EIF4G3: variants seen among roughly 807,000 people sequenced by gnomAD.
The protein encoded by EIF4G3 is eIF-4-gamma 3.
In EIF4G3, 34 loss-of-function variants were observed where a neutral mutation model predicts 186.4. That is an observed-to-expected ratio of 0.18 (90% CI 0.14 to 0.24). EIF4G3 has a LOEUF of 0.24. Ranked by LOEUF, EIF4G3 falls within the 10% of genes least tolerant of loss-of-function variation. The pLI is 1.00. For missense variants in EIF4G3, 1,536 were observed against 1,948.5 expected, an observed-to-expected ratio of 0.79 and a Z score of 3.99; for synonymous variants, 673 against 679.5, an observed-to-expected ratio of 0.99 and a Z score of 0.15.
chr1:21,145,696 C>CTAGT (rs1380483416), intron 2 of EIF4G3, among the ~76,000 whole-genome samples: 2 of 152,086 alleles, frequency 1.3e-5, no homozygotes, highest in African/African-American at 4.8e-5. Flanking sequence ...ATTCAGTTAT[C>CTAGT]TAGTAGTCAA....
intron 13 of EIF4G3, among the ~76,000 whole-genome samples, chr1:20,944,251 G>T (rs778066730): frequency 6.6e-6 from 1 of 151,836 alleles, no homozygotes; most frequent in African/African-American, 2.4e-5. Flanking sequence ...GTGATGGCTC[G>T]CATCTGTAAT....
At chr1:20,863,872 C>A (rs2076987991) in intron 22 of EIF4G3, among the ~76,000 whole-genome samples, 2 of 152,058 alleles carry the variant, frequency 1.3e-5, no homozygotes, top group African/African-American at 4.8e-5. Flanking sequence ...GAATGTTAAG[C>A]TGAAAGGACT....
Position 21,167,631 on chromosome 1 carries a change from G to A in EIF4G3, c.-272+8544C>T, listed in dbSNP as rs1477018352. Among the ~76,000 whole-genome samples the A allele has an allele frequency of 2.6e-5, 4 of 152,156 alleles. No homozygotes were observed. In the East Asian group the frequency reaches 5.8e-4, roughly 22 times the overall value. The stretch of plus-strand genomic sequence containing the variant: ...AAATTAGCCAGGCGTGGTGCCGGGT[G>A]CCTGTAATCCCAGCTACTCAGGAGG... On this transcript the variant is annotated intron_variant, in intron 2 of 36. Coordinates refer to ENST00000602326, the MANE Select transcript of EIF4G3 (RefSeq NM_001391906.1).
intron 2 of EIF4G3, among the ~76,000 whole-genome samples, chr1:21,165,013 G>C (rs536718480): frequency 8.1e-4 from 124 of 152,246 alleles, no homozygotes; most frequent in Admixed American, 2.7e-3. Flanking sequence ...GATATATATA[G>C]ATAATTCTCC....
At chr1:21,163,971 T>C (rs1441916371) in intron 2 of EIF4G3, among the ~76,000 whole-genome samples, 1 of 151,940 alleles carries the variant, frequency 6.6e-6, no homozygotes, top group Non-Finnish European at 1.5e-5. Context: ...ACAGGGTTTC[T>C]CCATGTCGGC....
chr1:20,980,200 G>A, intron 10 of EIF4G3, 134 bp downstream of exon 10: 2 of 629,344 alleles, frequency 3.2e-6, no homozygotes, highest in Non-Finnish European at 5.3e-6. Flanking sequence ...TAGCTTTCAA[G>A]AAAGAACTGT....
At chr1:21,101,237 C>T (rs2096511437) in intron 2 of EIF4G3, among the ~76,000 whole-genome samples, 1 of 150,896 alleles carries the variant, frequency 6.6e-6, no homozygotes, top group African/African-American at 2.4e-5. Flanking sequence ...CGTGCTTGGT[C>T]AAGAATTTCA....
At chr1:20,831,819 T>C (rs1171067075) in intron 30 of EIF4G3, among the ~76,000 whole-genome samples, 1 of 143,780 alleles carries the variant, frequency 7.0e-6, no homozygotes, top group Non-Finnish European at 1.5e-5. Context: ...CCATGTGATC[T>C]CATTGTTCAA....
intron 35 of EIF4G3, among the ~76,000 whole-genome samples, chr1:20,812,919 C>T (rs555867434): frequency 2.6e-5 from 4 of 152,278 alleles, no homozygotes; most frequent in African/African-American, 9.6e-5. Context: ...TAGTGAAAAA[C>T]AACCCAAGGA....
chr1:20,870,342 A>T (rs906896418), intron 20 of EIF4G3, among the ~76,000 whole-genome samples: 4 of 152,214 alleles, frequency 2.6e-5, no homozygotes, highest in African/African-American at 9.6e-5. Context: ...CAGAATGCTT[A>T]AAAATCTGCC....
intron 4 of EIF4G3, among the ~76,000 whole-genome samples, chr1:21,035,363 G>A (rs1380124273): frequency 6.6e-6 from 1 of 152,162 alleles, no homozygotes; most frequent in East Asian, 1.9e-4. Context: ...GGCAGGGCAG[G>A]AGCTCCCCAG....
At chr1:21,084,478 A>G (rs886375841) in intron 3 of EIF4G3, among the ~76,000 whole-genome samples, 4 of 152,074 alleles carry the variant, frequency 2.6e-5, no homozygotes, top group South Asian at 2.1e-4. Context: ...CCATGATCCA[A>G]TCACCTCCCA....
intron 7 of EIF4G3, among the ~76,000 whole-genome samples, chr1:20,995,807 T>C (rs893424038): frequency 6.6e-6 from 1 of 152,152 alleles, no homozygotes; most frequent in Non-Finnish European, 1.5e-5. Flanking sequence ...GGCTAGCTTA[T>C]CTGAAATGAC....
At chr1:20,825,496 T>C (rs1271200513) in intron 32 of EIF4G3, among the ~76,000 whole-genome samples, 1 of 152,196 alleles carries the variant, frequency 6.6e-6, no homozygotes, top group African/African-American at 2.4e-5. Flanking sequence ...CTCTTAAGAC[T>C]TGTGACTTTC....
In EIF4G3 at chr1:20,918,711, T is replaced by TC. The variant is rs1440401746; in HGVS notation, c.1664-13741_1664-13740insG. Among the ~76,000 whole-genome samples, 7 of 148,778 alleles carry TC rather than the reference T, an allele frequency of 4.7e-5. No homozygotes were observed. The East Asian group carries it at 9.8e-4, about 21-fold the overall frequency. On this transcript the variant is annotated intron_variant, in intron 14 of 36. Transcript: ENST00000602326. ...ATATCCTCCTAGTATCTTTTTTTTT[T>TC]TTTTTTTTTTTTTTTAAAGAGGCAG...
At chr1:20,954,012 A>C (rs557692630) in intron 12 of EIF4G3, among the ~76,000 whole-genome samples, 36 of 152,340 alleles carry the variant, frequency 2.4e-4, no homozygotes, top group African/African-American at 8.7e-4. Flanking sequence ...AATATTTACT[A>C]TCTGGCCCAC....
chr1:20,958,511 C>G (rs995105930), intron 12 of EIF4G3, among the ~76,000 whole-genome samples: 5 of 152,144 alleles, frequency 3.3e-5, no homozygotes, highest in African/African-American at 1.2e-4. Flanking sequence ...CTACATTTCA[C>G]CACCTCTATT....
chr1:21,103,465 T>C (rs1055620496), intron 2 of EIF4G3, among the ~76,000 whole-genome samples: 1 of 152,182 alleles, frequency 6.6e-6, no homozygotes, highest in African/African-American at 2.4e-5. Context: ...GTGTGATTCA[T>C]TTTATCTGGA....
intron 14 of EIF4G3, among the ~76,000 whole-genome samples, chr1:20,911,560 CAAAAAAAAAAAAAAAAAA>C (rs60071144): frequency 2.5e-5 from 1 of 40,698 alleles, no homozygotes; most frequent in Non-Finnish European, 4.1e-5. Flanking sequence ...GACCCTGCCT[CAAAAAAAAAAAAAAAAAA>C]AAAAAAAAAA....
Sources: gnomAD v4.1 joint callset for allele counts (sites outside exome capture counted in the v4.1 genomes callset) on GRCh38, gnomAD v4.1.1 for gene constraint, MANE v1.5 for transcripts, NCBI Gene and HGNC (gene_info 2026-07-23, HGNC 2026-07-21) for gene names.